Variants in KIF23 observed in about 807,000 individuals in gnomAD.
The protein encoded by KIF23 is kinesin family member 23, also known as kinesin-like protein KIF23.
A neutral mutation model predicts 137.5 loss-of-function variants in KIF23; 30 were observed. The observed-to-expected ratio is 0.22, with a 90% CI of 0.16 to 0.30. The LOEUF (loss-of-function observed/expected upper bound fraction) is 0.30, where lower values mean the gene tolerates loss of function less well. Among genes scored for constraint, KIF23 ranks in the 10% least tolerant of loss-of-function variants. The pLI is 1.00. For missense variants in KIF23, 920 were observed against 1,194.3 expected (o/e 0.77, Z 3.38); for synonymous variants, 367 against 391.1 (o/e 0.94, Z 0.73).
intron 11 of KIF23, among the ~76,000 whole-genome samples, chr15:69,433,752 T>A (rs1055230673): frequency 1.3e-5 from 2 of 152,080 alleles, no homozygotes; most frequent in Non-Finnish European, 2.9e-5. Context: ...TTATTTTTAT[T>A]TTTTAGCCAC....
chr15:69,426,238 C>T, intron 9 of KIF23, 56 bp downstream of exon 9: 1 of 1,591,008 alleles, frequency 6.3e-7, no homozygotes, highest in Non-Finnish European at 8.6e-7. Context: ...CCTAGAGTTG[C>T]TACTAAGTTT....
chr15:69,429,225 A>G lies in KIF23; in HGVS notation c.1114+12A>G, dbSNP rs564096512. ...ATTACGTGAAGCTGGTGAGTAAAGC[A>G]TGGTATTTATTTATTGCTACAACTT... On this transcript the variant is annotated intron_variant, in intron 11 of 23. Coordinates refer to ENST00000679126, the MANE Select transcript of KIF23 (RefSeq NM_001367805.3). The G allele has an allele frequency of 2.5e-6, 4 of 1,574,540 alleles. No homozygotes were observed. Among genetic ancestry groups the G allele is most frequent in the Admixed American group, 1.7e-5 (1 of 57,296 alleles).
rs768645638 is a variant in KIF23 at position 69,414,421 on chromosome 15, C to G, written c.-45C>G. The G allele has an allele frequency of 6.4e-7, 1 of 1,573,226 alleles. No individual in the cohort carries two copies. Among genetic ancestry groups the G allele is most frequent in the East Asian group, 2.3e-5 (1 of 42,770 alleles). ...CCTAACGTCCCGCAGTCTTCGCCAGCCAGCCGTCCCGCATGCGCGTTTGGG... is the reference window on the plus strand; with the variant it reads ...CCTAACGTCCCGCAGTCTTCGCCAGGCAGCCGTCCCGCATGCGCGTTTGGG... On this transcript the variant is annotated 5_prime_UTR_variant, in exon 1 of 24. Transcript: ENST00000679126.
chr15:69,415,956 GA>G (rs762394079), intron 1 of KIF23, 37 bp from the exon 2 acceptor site: 55 of 1,431,844 alleles, frequency 3.8e-5, no homozygotes, highest in South Asian at 8.2e-5. Context: ...GTGTTGAACT[GA>G]AAAAAAAGTT....
rs1355265870 is a variant in KIF23 at position 69,435,709 on chromosome 15, G to A, written c.1252G>A (p.Glu418Lys). The change falls in exon 13 of 24, where the codon GAA becomes AAA. Residue 418 changes from glutamate (E) to lysine (K), a missense_variant. Transcript: ENST00000679126. Reference sequence around the variant, plus strand: ...TCTGTTCAAGAACTACTTTGATGGGGAAGGAAAAGTGCGGATGATCGTGTG... The same window carrying A: ...TCTGTTCAAGAACTACTTTGATGGGAAAGGAAAAGTGCGGATGATCGTGTG... ...THLFKNYFDG[E>K]GKVRMIVCVN... 6.2e-7 allele frequency: 1 copy of A among 1,614,072 alleles called. No individual in the cohort carries two copies. The highest frequency in any genetic ancestry group is 2.2e-5 in the East Asian group (1 of 44,896).
Position 69,446,287 on chromosome 15 carries a change from C to G in KIF23, c.2761C>G (p.Arg921Gly), listed in dbSNP as rs778267317. The change falls in exon 22 of 24, where the codon CGA becomes GGA. Residue 921 changes from arginine (R) to glycine (G), a missense_variant. Physicochemically the swap from Arg to Gly is moderately radical, Grantham distance 125. Around this residue, in one of 4 missense-constraint regions of KIF23, gnomAD observed 75 missense variants for 177.9 expected, o/e 0.42. Transcript: ENST00000679126. ...TLKQESPNGS[R>G]KRRSSTVAPA... Reference sequence around the variant, plus strand: ...ATCATGTTTCCCCTTTTTCAGTAGTCGAAAACGAAGATCTTCCACAGTAGC... The same window carrying G: ...ATCATGTTTCCCCTTTTTCAGTAGTGGAAAACGAAGATCTTCCACAGTAGC... The G allele has an allele frequency of 1.9e-6, 3 of 1,613,588 alleles. No homozygotes were observed. The highest frequency in any genetic ancestry group is 2.5e-6 in the Non-Finnish European group (3 of 1,179,706).
intron 18 of KIF23, 117 bp from the exon 19 acceptor site, chr15:69,440,651 T>A (rs1596019328): frequency 1.8e-6 from 2 of 1,124,698 alleles, no homozygotes; most frequent in Non-Finnish European, 2.4e-6. Context: ...CACAAAAAAA[T>A]AGAACAAATA....
chr15:69,446,849 C>G (rs2057750809), intron 22 of KIF23, 22 bp from the exon 23 acceptor site: 1 of 1,610,032 alleles, frequency 6.2e-7, no homozygotes, highest in African/African-American at 1.3e-5. Flanking sequence ...TGATCTTTTT[C>G]CTCTTGTCAT....
Position 69,429,047 on chromosome 15 carries a change from A to G in KIF23, c.1012-64A>G. The G allele has an allele frequency of 2.8e-6, 3 of 1,089,914 alleles. No homozygotes were observed. In the South Asian group the frequency reaches 4.2e-5, roughly 15 times the overall value. 67.5% of individuals were successfully genotyped at this position (1,089,914 alleles called of 1,614,324 possible). On this transcript the variant is annotated intron_variant, in intron 10 of 23. Transcript: ENST00000679126. ...AGACTTAGCTTGTTGATATGAATCT[A>G]TTTAAAGAACATTATAAACCAGTTA...
In KIF23 at chr15:69,417,735, A is replaced by G. The variant is rs533072491; in HGVS notation, c.210+224A>G. 1.2e-4 allele frequency among the ~76,000 whole-genome samples: 19 copies of G among 152,328 alleles called. 1 individual carries two copies. The East Asian group carries it at 3.5e-3, about 28-fold the overall frequency. The stretch of plus-strand genomic sequence containing the variant: ...TTGCTTTTAGCAGATAATTTCTTAC[A>G]CTGAGTATTATTGTTTCTTAGAGCA... On this transcript the variant is annotated intron_variant, in intron 3 of 23. Coordinates refer to ENST00000679126, the MANE Select transcript of KIF23 (RefSeq NM_001367805.3).
intron 11 of KIF23, chr15:69,434,814 T>C (rs2057435152): frequency 6.1e-6 from 6 of 980,020 alleles, no homozygotes; most frequent in Non-Finnish European, 4.8e-6. Flanking sequence ...GCACTCATCC[T>C]GCACGTCCCT....
chr15:69,434,395 T>C, intron 11 of KIF23: 1 of 334,204 alleles, frequency 3.0e-6, no homozygotes, highest in Non-Finnish European at 5.7e-6. Flanking sequence ...ATTAAAGGAT[T>C]GCGACATTTA....
At position 69,436,393 on chromosome 15, in the gene KIF23, A is replaced by G; in HGVS notation, c.1438+132A>G. The G allele has an allele frequency of 2.3e-6, 3 of 1,301,798 alleles. No homozygotes were observed. The Admixed American group carries it at 7.2e-5, about 31-fold the overall frequency. 80.6% of individuals were successfully genotyped at this position (1,301,798 alleles called of 1,614,324 possible). On this transcript the variant is annotated intron_variant, in intron 14 of 23. Coordinates refer to ENST00000679126, the MANE Select transcript of KIF23 (RefSeq NM_001367805.3). ...AACCAAGCACATAATAATTTGAACA[A>G]AATTTAAATGAGCTTATTTTGCATA...
chr15:69,431,725 A>G lies in KIF23; in HGVS notation c.1114+2512A>G, dbSNP rs558991792. Among the ~76,000 whole-genome samples the G allele has an allele frequency of 3.3e-5, 5 of 152,374 alleles. No homozygotes were observed. In the East Asian group the frequency reaches 5.8e-4, roughly 18 times the overall value. ...CTTGAGGAACAGCAAGCCCTTGATT[A>G]TTAGCTTGGGATGGACAGAGAAGGG... On this transcript the variant is annotated intron_variant, in intron 11 of 23. Coordinates refer to ENST00000679126, the MANE Select transcript of KIF23 (RefSeq NM_001367805.3).
At chr15:69,446,807 A>G (rs2057749478) in intron 22 of KIF23, 64 bp from the exon 23 acceptor site, 4 of 1,451,486 alleles carry the variant, frequency 2.8e-6, no homozygotes, top group African/African-American at 2.8e-5. Context: ...AGCCTGCTAA[A>G]TAACTGTGTT....
At chr15:69,438,532 T>A in intron 16 of KIF23, 127 bp downstream of exon 16, 1 of 773,600 alleles carries the variant, frequency 1.3e-6, no homozygotes, top group Non-Finnish European at 1.9e-6. Context: ...GTGCGGTGGC[T>A]CATGCAGGTA....
At chr15:69,432,894 T>C (rs1436830168) in intron 11 of KIF23, among the ~76,000 whole-genome samples, 1 of 152,246 alleles carries the variant, frequency 6.6e-6, no homozygotes, top group Non-Finnish European at 1.5e-5. Context: ...CAGGTACTAC[T>C]AATGCTGTGG....
At chr15:69,427,406 T>G (rs4331291) in intron 10 of KIF23, 2 of 456,060 alleles carry the variant, frequency 4.4e-6, no homozygotes. Flanking sequence ...AGAGCCTGAA[T>G]TTTGCTGTGA....
chr15:69,420,160 A>G (rs1441764217), intron 3 of KIF23, among the ~76,000 whole-genome samples: 1 of 152,136 alleles, frequency 6.6e-6, no homozygotes, highest in Non-Finnish European at 1.5e-5. Context: ...GCTACTCGGG[A>G]GGCTGAGGCA....
Sources: allele counts gnomAD v4.1 joint callset (sites outside exome capture counted in the v4.1 genomes callset), GRCh38; gene constraint gnomAD v4.1.1; regional missense constraint gnomAD v4.1.1; transcripts MANE v1.5; gene names NCBI Gene and HGNC (gene_info 2026-07-23, HGNC 2026-07-21).